LPCAT3: variants seen among roughly 807,000 people sequenced by gnomAD.
The protein encoded by LPCAT3 is lysophosphatidylcholine acyltransferase 3, also known as lysophospholipid acyltransferase 5.
Under a neutral mutation model 63.4 loss-of-function variants are expected in LPCAT3, and 21 were observed. The ratio of observed to expected loss-of-function variants is 0.33; its 90% CI spans 0.23 to 0.48. The LOEUF (loss-of-function observed/expected upper bound fraction) is 0.48, where lower values mean the gene tolerates loss of function less well. Ranked by LOEUF, LPCAT3 falls within the 20% of genes least tolerant of loss-of-function variation. LPCAT3 has a pLI of 0.99. For synonymous variants in LPCAT3, 242 were observed against 227.5 expected (o/e 1.06, Z -0.58); for missense variants, 451 against 590.6 (o/e 0.76, Z 2.45).
At chr12:6,992,295 C>T (rs1041396832) in intron 1 of LPCAT3, among the ~76,000 whole-genome samples, 3 of 151,454 alleles carry the variant, frequency 2.0e-5, no homozygotes, top group Non-Finnish European at 2.9e-5. Context: ...ATGCCCCCAC[C>T]GCACTCTAGC....
At chr12:7,010,585 C>A (rs1266472955) in intron 1 of LPCAT3, among the ~76,000 whole-genome samples, 2 of 152,062 alleles carry the variant, frequency 1.3e-5, no homozygotes, top group Non-Finnish European at 2.9e-5. Context: ...CCAGCTAATG[C>A]AAATATCATT....
chr12:6,983,653 AACAT>A (rs1946494292), intron 1 of LPCAT3, 114 bp from the exon 2 acceptor site: 1 of 681,828 alleles, frequency 1.5e-6, no homozygotes, highest in African/African-American at 1.8e-5. Context: ...AAAAAAAAAC[AACAT>A]ACATTATATG....
At chr12:6,980,784 G>A (rs963220802) in intron 6 of LPCAT3, 2 of 387,128 alleles carry the variant, frequency 5.2e-6, no homozygotes, top group African/African-American at 2.1e-5. Context: ...TGGCATAAAT[G>A]TGGATTTTTA....
chr12:6,978,298 G>T, intron 9 of LPCAT3, 43 bp downstream of exon 9: 1 of 1,572,002 alleles, frequency 6.4e-7, no homozygotes, highest in South Asian at 1.2e-5. Flanking sequence ...GGAAGACAGT[G>T]GAAGGAAGGA....
chr12:6,994,158 T>A (rs1357603195), intron 1 of LPCAT3, among the ~76,000 whole-genome samples: 1 of 152,200 alleles, frequency 6.6e-6, no homozygotes, highest in African/African-American at 2.4e-5. Flanking sequence ...TATGTTTTTA[T>A]GTTTTCAATT....
At chr12:7,005,525 A>G (rs781972350) in intron 1 of LPCAT3, among the ~76,000 whole-genome samples, 18 of 152,244 alleles carry the variant, frequency 1.2e-4, no homozygotes, top group Non-Finnish European at 2.1e-4. Flanking sequence ...TATTTTCCAC[A>G]AGTGGCTGCA....
intron 1 of LPCAT3, among the ~76,000 whole-genome samples, chr12:6,991,717 T>G (rs1370337457): frequency 2.6e-5 from 4 of 152,220 alleles, no homozygotes; most frequent in African/African-American, 7.2e-5. Context: ...TGCCTAAGTC[T>G]AAAACCATAG....
At chr12:6,990,769 C>CATT in intron 1 of LPCAT3, among the ~76,000 whole-genome samples, 2 of 149,986 alleles carry the variant, frequency 1.3e-5, no homozygotes, top group South Asian at 4.2e-4. Flanking sequence ...ATACAAAAAC[C>CATT]AGCCAGACAT....
In LPCAT3 at chr12:6,978,734, G is replaced by A. The variant is rs1555153669; in HGVS notation, c.787-45C>T. The A allele has an allele frequency of 1.9e-6, 3 of 1,607,268 alleles. 1 individual carries two copies. Among genetic ancestry groups the A allele is most frequent in the South Asian group, 2.2e-5 (2 of 89,936 alleles). Reference sequence around the variant, plus strand: ...GTGCATTAGGGATATCACATGACTAGGCAGTTTCTCTCAGCACTCTTCCTT... The same window carrying A: ...GTGCATTAGGGATATCACATGACTAAGCAGTTTCTCTCAGCACTCTTCCTT... On this transcript the variant is annotated intron_variant, in intron 7 of 12. Transcript: ENST00000261407.
Position 6,977,472 on chromosome 12 carries a change from A to G in LPCAT3, c.1242T>C (p.Thr414=). 6.2e-7 allele frequency: 1 copy of G among 1,614,220 alleles called. No homozygotes were observed. The highest frequency in any genetic ancestry group is 8.5e-7 in the Non-Finnish European group (1 of 1,180,032). Residue 414 remains threonine, a synonymous_variant, in exon 11 of 13, where the codon ACT becomes ACC. Transcript: ENST00000261407. This position sits in a 1 kb window ranked among gnomAD's most constrained non-coding sequence, Gnocchi z 4.5. The part of the protein sequence containing the change: ...SPTLSKLAAI[T]VLQPFYYLVQ... ...CCAAATAGTAGAAGGGCTGGAGGAC[A>G]GTAATGGCGGCCAGCTTGCTCAGGG...
intron 1 of LPCAT3, among the ~76,000 whole-genome samples, chr12:7,012,726 A>G (rs1946771937): frequency 6.6e-6 from 1 of 152,000 alleles, no homozygotes; most frequent in African/African-American, 2.4e-5. Flanking sequence ...AGGCTTCACA[A>G]CTCCCAAGAT....
intron 1 of LPCAT3, among the ~76,000 whole-genome samples, chr12:7,010,012 G>A (rs773253452): frequency 2.8e-4 from 43 of 152,284 alleles, no homozygotes; most frequent in Non-Finnish European, 4.9e-4. Flanking sequence ...TTGAACTCTG[G>A]TAATGAGCTT....
chr12:6,989,501 A>G (rs920468363), intron 1 of LPCAT3, among the ~76,000 whole-genome samples: 3 of 151,888 alleles, frequency 2.0e-5, no homozygotes, highest in Admixed American at 6.6e-5. Flanking sequence ...TAGTAGAGAC[A>G]GGGTTTCACC....
chr12:6,986,956 AT>A (rs1555154893), intron 1 of LPCAT3, among the ~76,000 whole-genome samples: 1 of 151,986 alleles, frequency 6.6e-6, no homozygotes, highest in African/African-American at 2.4e-5. Context: ...TCTACTAAAA[AT>A]ACAAAAATTA....
At chr12:7,014,825 G>A (rs1261347776) in intron 1 of LPCAT3, among the ~76,000 whole-genome samples, 5 of 149,786 alleles carry the variant, frequency 3.3e-5, no homozygotes, top group East Asian at 2.0e-4. Context: ...CCTGGGAGGC[G>A]GAGGTTGCAA....
In LPCAT3 at chr12:6,976,879, C is replaced by T; in HGVS notation, c.*25G>A. ...GAGACGAGTAGTTTCTGCACCAGTCCCGCACAGGCCACCTGCAAGACAAGA... is the reference window on the plus strand; with the variant it reads ...GAGACGAGTAGTTTCTGCACCAGTCTCGCACAGGCCACCTGCAAGACAAGA... On this transcript the variant is annotated 3_prime_UTR_variant, in exon 13 of 13. Coordinates refer to ENST00000261407, the MANE Select transcript of LPCAT3 (RefSeq NM_005768.6). 1.2e-5 allele frequency: 5 copies of T among 421,990 alleles called. No homozygotes were observed. In the South Asian group the frequency reaches 1.3e-4, roughly 11 times the overall value. 26.1% of individuals were successfully genotyped at this position (421,990 alleles called of 1,614,324 possible).
intron 1 of LPCAT3, among the ~76,000 whole-genome samples, chr12:7,009,248 A>G (rs1946746438): frequency 6.6e-6 from 1 of 152,160 alleles, no homozygotes; most frequent in Non-Finnish European, 1.5e-5. Context: ...TTTTAATAGA[A>G]ATGGGTTTCA....
intron 1 of LPCAT3, among the ~76,000 whole-genome samples, chr12:7,011,424 T>C (rs1413954110): frequency 2.6e-5 from 4 of 152,118 alleles, no homozygotes; most frequent in African/African-American, 9.7e-5. Context: ...GGCTGGTGGA[T>C]TGCTTGAGCT....
At chr12:6,983,651 A>C (rs974468939) in intron 1 of LPCAT3, 112 bp from the exon 2 acceptor site, 2 of 695,186 alleles carry the variant, frequency 2.9e-6, no homozygotes, top group Non-Finnish European at 5.1e-6. Flanking sequence ...GAAAAAAAAA[A>C]CAACATACAT....
Sources: allele counts gnomAD v4.1 joint callset (sites outside exome capture counted in the v4.1 genomes callset), GRCh38; gene constraint gnomAD v4.1.1; non-coding constraint Gnocchi (gnomAD v3.1); transcripts MANE v1.5; gene names NCBI Gene and HGNC (gene_info 2026-07-23, HGNC 2026-07-21).